FAAH2: variants seen among roughly 807,000 people sequenced by gnomAD.
FAAH2 encodes fatty acid amide hydrolase 2, also known as fatty-acid amide hydrolase 2.
A neutral mutation model predicts 36.9 loss-of-function variants in FAAH2; 60 were observed. The ratio of observed to expected loss-of-function variants is 1.63; its 90% CI spans 1.32 to 2.02. The LOEUF (loss-of-function observed/expected upper bound fraction) is 2.02. FAAH2 is among the 30% of genes most tolerant of loss of function. FAAH2 has a pLI of 0.00. For synonymous variants in FAAH2, 214 were observed against 143.8 expected, an observed-to-expected ratio of 1.49 and a Z score of -3.49; for missense variants, 689 against 397.5, an observed-to-expected ratio of 1.73 and a Z score of -6.23.
At chrX:57,417,754 T>C (rs1444740050) in intron 7 of FAAH2, among the ~76,000 whole-genome samples, 10 of 111,948 alleles carry the variant, frequency 8.9e-5, no homozygotes, top group Non-Finnish European at 1.1e-4. Context: ...AGAGCTCTAG[T>C]GCTGTTCTGG....
chrX:57,256,998 A>G, the FAAH2 span, among the ~76,000 whole-genome samples: 11 of 112,275 alleles, frequency 9.8e-5, no homozygotes, highest in Non-Finnish European at 1.3e-4. Context: ...ATGAGATACC[A>G]TCTCACACCA....
intron 5 of FAAH2, among the ~76,000 whole-genome samples, chrX:57,357,632 T>A (rs2054191291): frequency 8.9e-6 from 1 of 111,855 alleles, no homozygotes; most frequent in South Asian, 3.7e-4. Flanking sequence ...AAAACCACGA[T>A]AAGATACCAT....
the FAAH2 span, among the ~76,000 whole-genome samples, chrX:57,123,647 C>A: frequency 3.6e-5 from 4 of 112,297 alleles, no homozygotes; most frequent in Non-Finnish European, 7.5e-5. Flanking sequence ...TATTTCTCTA[C>A]ATCCTCTCCA....
the FAAH2 span, among the ~76,000 whole-genome samples, chrX:57,185,989 C>T: frequency 2.3e-4 from 26 of 111,390 alleles, no homozygotes; most frequent in South Asian, 8.4e-3. Flanking sequence ...GGGTTGGTTC[C>T]AGGTCATTGC....
chrX:57,489,121 G>T lies in FAAH2; in HGVS notation c.*189G>T. 4 of 448,140 alleles carry T rather than the reference G, an allele frequency of 8.9e-6. No homozygotes were observed. Among genetic ancestry groups the T allele is most frequent in the Non-Finnish European group, 1.4e-5 (4 of 285,577 alleles). 36.9% of individuals were successfully genotyped at this position (448,140 alleles called of 1,213,427 possible). On this transcript the variant is annotated 3_prime_UTR_variant, in exon 11 of 11. Coordinates refer to ENST00000374900, the MANE Select transcript of FAAH2 (RefSeq NM_174912.4). The stretch of plus-strand genomic sequence containing the variant: ...TGGTCTTACTAAAATGGTAATATTT[G>T]CTTCTTGCTTTTATGTTACTGGAAA...
chrX:57,269,445 A>T, the FAAH2 span, among the ~76,000 whole-genome samples: 1 of 111,856 alleles, frequency 8.9e-6, no homozygotes, highest in Non-Finnish European at 1.9e-5. Flanking sequence ...ACCACATGGG[A>T]CATACTCTAA....
chrX:57,158,403 G>A, the FAAH2 span, among the ~76,000 whole-genome samples: 4 of 111,911 alleles, frequency 3.6e-5, no homozygotes, highest in Admixed American at 9.5e-5. Flanking sequence ...TCTAGTTCGA[G>A]ATCCCTGAGG....
At chrX:57,299,153 A>T (rs1343020052) in intron 2 of FAAH2, among the ~76,000 whole-genome samples, 1 of 111,790 alleles carries the variant, frequency 8.9e-6, no homozygotes, top group African/African-American at 3.3e-5. Flanking sequence ...CACAACAAAA[A>T]AAAGAGAATT....
At chrX:57,260,584 C>T in the FAAH2 span, among the ~76,000 whole-genome samples, 1 of 109,947 alleles carries the variant, frequency 9.1e-6, no homozygotes, top group Non-Finnish European at 1.9e-5. Context: ...AAATGATTTG[C>T]TCTTGAAAAC....
chrX:57,155,434 G>C, the FAAH2 span, among the ~76,000 whole-genome samples: 1 of 111,547 alleles, frequency 9.0e-6, no homozygotes. Flanking sequence ...AGGTTATCAA[G>C]GAAGTTGGGG....
At chrX:57,360,393 G>T (rs1396609600) in intron 5 of FAAH2, among the ~76,000 whole-genome samples, 1 of 109,425 alleles carries the variant, frequency 9.1e-6, no homozygotes, top group African/African-American at 3.3e-5. Flanking sequence ...CATCTGAGAT[G>T]AAAATTTTAA....
chrX:57,392,980 CA>C, intron 7 of FAAH2: 3 of 933,081 alleles, frequency 3.2e-6, no homozygotes, highest in Non-Finnish European at 4.7e-6. Flanking sequence ...ATTTTATCCT[CA>C]ACTGGGAGCT....
rs528604547 is a variant in FAAH2 at position 57,485,391 on chromosome X, C to A, written c.1424-3366C>A. On this transcript the variant is annotated intron_variant, in intron 10 of 10. Coordinates refer to ENST00000374900, the MANE Select transcript of FAAH2 (RefSeq NM_174912.4). ...GGGGCAGGGGAAGGTGCACTGGTGA[C>A]CTGGAGCCTGCAAACCCCATTTGGT... Among the ~76,000 whole-genome samples, 13 of 111,014 alleles carry A rather than the reference C, an allele frequency of 1.2e-4. No homozygotes were observed. In the South Asian group the frequency reaches 5.0e-3, roughly 43 times the overall value.
At chrX:57,402,896 A>G (rs1424649892) in intron 7 of FAAH2, among the ~76,000 whole-genome samples, 2 of 111,794 alleles carry the variant, frequency 1.8e-5, no homozygotes, top group African/African-American at 6.5e-5. Context: ...CCTATCATTG[A>G]CCTGACTGAG....
chrX:57,342,990 G>A (rs1182567552), intron 5 of FAAH2, among the ~76,000 whole-genome samples: 4 of 111,974 alleles, frequency 3.6e-5, no homozygotes, highest in Non-Finnish European at 7.5e-5. Context: ...ATTTCATGGT[G>A]TAAAGGTACT....
chrX:57,192,745 A>T, the FAAH2 span, among the ~76,000 whole-genome samples: 3 of 112,095 alleles, frequency 2.7e-5, no homozygotes, highest in African/African-American at 9.7e-5. Context: ...GACATTTATT[A>T]GTTCCCCAAA....
Position 57,475,982 on chromosome X carries a change from TG to T in FAAH2, c.1424-12773del, listed in dbSNP as rs756693890. ...TGTGAATGGGAGTTCAATCATGATTTGGCTGTCTGCTTGTCTATTGTTTGTG... is the reference window on the plus strand; with the variant it reads ...TGTGAATGGGAGTTCAATCATGATTTGCTGTCTGCTTGTCTATTGTTTGTG... On this transcript the variant is annotated intron_variant, in intron 10 of 10. Coordinates refer to ENST00000374900, the MANE Select transcript of FAAH2 (RefSeq NM_174912.4). Among the ~76,000 whole-genome samples the T allele has an allele frequency of 6.4e-4, 71 of 111,660 alleles. 1 individual carries two copies. Among genetic ancestry groups the T allele is most frequent in the Non-Finnish European group, 8.5e-4 (45 of 53,151 alleles).
intron 5 of FAAH2, among the ~76,000 whole-genome samples, chrX:57,370,683 G>A (rs968685885): frequency 1.8e-5 from 2 of 112,321 alleles, no homozygotes; most frequent in African/African-American, 3.2e-5. Flanking sequence ...ACAGCAGAAG[G>A]TGAGTAGTAG....
chrX:57,380,807 A>C (rs991215517), intron 6 of FAAH2, 105 bp from the exon 7 acceptor site: 3 of 481,212 alleles, frequency 6.2e-6, no homozygotes, highest in Non-Finnish European at 1.0e-5. Flanking sequence ...CACAGTGCTC[A>C]GGGAAAAAAA....
Sources: allele counts gnomAD v4.1 joint callset (sites outside exome capture counted in the v4.1 genomes callset), GRCh38; gene constraint gnomAD v4.1.1; transcripts MANE v1.5; gene names NCBI Gene and HGNC (gene_info 2026-07-23, HGNC 2026-07-21).